Variants in LIMA1 observed in about 807,000 individuals in gnomAD.
The protein encoded by LIMA1 is LIM domain and actin binding 1, also known as LIM domain and actin-binding protein 1.
In LIMA1, 52 loss-of-function variants were observed where a neutral mutation model predicts 62.6. The ratio of observed to expected loss-of-function variants is 0.83; its 90% confidence interval spans 0.67 to 1.05. LIMA1 has a LOEUF of 1.05. Among genes scored for constraint, LIMA1 ranks in the 50% least tolerant of loss-of-function variants. LIMA1 has a pLI of 0.00. For synonymous variants in LIMA1, 302 were observed against 317.8 expected (o/e 0.95, Z 0.53); for missense variants, 780 against 902.2 (o/e 0.86, Z 1.74).
intron 10 of LIMA1, among the ~76,000 whole-genome samples, chr12:50,180,301 G>A (rs1347063139): frequency 2.1e-5 from 3 of 141,632 alleles, no homozygotes; most frequent in East Asian, 2.1e-4. Context: ...CTCCATCTCC[G>A]GAAAAAAAAA....
chr12:50,273,224 G>C (rs1287534338), intron 1 of LIMA1, among the ~76,000 whole-genome samples: 3 of 151,922 alleles, frequency 2.0e-5, no homozygotes, highest in Admixed American at 2.0e-4. Flanking sequence ...TAAAGTGCTG[G>C]GATTACAGGC....
chr12:50,230,241 G>T (rs571155441), intron 3 of LIMA1, among the ~76,000 whole-genome samples: 3 of 152,262 alleles, frequency 2.0e-5, no homozygotes, highest in East Asian at 3.9e-4. Context: ...CACCATCTTG[G>T]CCAGGTTGGT....
In LIMA1 at chr12:50,241,493, T is replaced by C. The variant is rs1024995253; in HGVS notation, c.119+7140A>G. ...AATAGAAACATAGATTAAAAAAAAA[T>C]CAAAATAGTTCCCATCTTTAGCCTT... On this transcript the variant is annotated intron_variant, in intron 2 of 10. Transcript: ENST00000341247. Among the ~76,000 whole-genome samples, 15 of 152,194 alleles carry C rather than the reference T, an allele frequency of 9.9e-5. No homozygotes were observed. The East Asian group carries it at 2.9e-3, about 29-fold the overall frequency.
chr12:50,210,353 G>A (rs1355979205), intron 4 of LIMA1, among the ~76,000 whole-genome samples: 1 of 150,430 alleles, frequency 6.6e-6, no homozygotes, highest in Non-Finnish European at 1.5e-5. Context: ...AACCAGGGAG[G>A]TGGAGGTTGC....
chr12:50,223,352 G>A (rs913530734), intron 3 of LIMA1, among the ~76,000 whole-genome samples: 14 of 151,964 alleles, frequency 9.2e-5, no homozygotes, highest in African/African-American at 3.1e-4. Context: ...GTGCAGTGGT[G>A]CACACCCATA....
chr12:50,217,540 GA>G (rs1472738385), intron 4 of LIMA1: 3 of 151,376 alleles, frequency 2.0e-5, no homozygotes, highest in Non-Finnish European at 4.4e-5. Flanking sequence ...TTTTTCTCCA[GA>G]GGCTAGTTTT....
At chr12:50,213,607 A>C (rs1345670751) in intron 4 of LIMA1, among the ~76,000 whole-genome samples, 1 of 152,220 alleles carries the variant, frequency 6.6e-6, no homozygotes, top group South Asian at 2.1e-4. Flanking sequence ...TTTCTCACTC[A>C]TTGTAACTCA....
intron 3 of LIMA1, among the ~76,000 whole-genome samples, chr12:50,230,893 G>A (rs1157776161): frequency 6.6e-6 from 1 of 152,130 alleles, no homozygotes; most frequent in Non-Finnish European, 1.5e-5. Flanking sequence ...TTCTTATAAT[G>A]CACCAGAGGA....
intron 4 of LIMA1, among the ~76,000 whole-genome samples, chr12:50,214,246 A>T (rs996401023): frequency 4.7e-5 from 6 of 128,796 alleles, no homozygotes; most frequent in African/African-American, 1.9e-4. Context: ...TTTTACCAAG[A>T]TATGTAAGAA....
At chr12:50,280,469 T>C (rs1030271568) in intron 1 of LIMA1, among the ~76,000 whole-genome samples, 1 of 152,150 alleles carries the variant, frequency 6.6e-6, no homozygotes, top group South Asian at 2.1e-4. Context: ...AGGGTAGTAG[T>C]ATTAAGAAAT....
At chr12:50,278,654 CAATT>C (rs1942302319) in intron 1 of LIMA1, among the ~76,000 whole-genome samples, 1 of 152,116 alleles carries the variant, frequency 6.6e-6, no homozygotes, top group Non-Finnish European at 1.5e-5. Flanking sequence ...AATTTGTTCT[CAATT>C]GTTTTCATTT....
intron 9 of LIMA1, among the ~76,000 whole-genome samples, chr12:50,183,831 A>AAAAC (rs1565827758): frequency 1.6e-4 from 24 of 150,642 alleles, no homozygotes; most frequent in Non-Finnish European, 2.4e-4. Context: ...AAAAAAAAAA[A>AAAAC]AAACCCAAAA....
intron 9 of LIMA1, among the ~76,000 whole-genome samples, chr12:50,192,189 C>A (rs1940791410): frequency 1.3e-5 from 2 of 150,826 alleles, no homozygotes; most frequent in South Asian, 4.2e-4. Flanking sequence ...AATAAAAAAA[C>A]CGACATTATT....
At chr12:50,186,984 T>A (rs554171674) in intron 9 of LIMA1, 1 of 152,330 alleles carries the variant, frequency 6.6e-6, no homozygotes, top group East Asian at 1.9e-4. Flanking sequence ...ACGACAGCAA[T>A]TTGAACAAAC....
chr12:50,208,140 G>C (rs1476766846), intron 4 of LIMA1, among the ~76,000 whole-genome samples: 1 of 152,000 alleles, frequency 6.6e-6, no homozygotes, highest in Non-Finnish European at 1.5e-5. Flanking sequence ...TTGAGCCCAG[G>C]AGTTTGAGAC....
At chr12:50,192,263 G>T (rs529371706) in intron 9 of LIMA1, among the ~76,000 whole-genome samples, 189 bp downstream of exon 9, 1 of 152,074 alleles carries the variant, frequency 6.6e-6, no homozygotes, top group Non-Finnish European at 1.5e-5. Flanking sequence ...TCTCGCTCCC[G>T]GGCCAAAGAC....
rs1940345263 is a variant in LIMA1 at position 50,176,770 on chromosome 12, G to C, written c.*294C>G. On this transcript the variant is annotated 3_prime_UTR_variant, in exon 11 of 11. Transcript: ENST00000341247. ...AATATTGCCTTTTGGGAATACAGTAGAATCTGGGCTATTATCAGGTGGAAT... is the reference window on the plus strand; with the variant it reads ...AATATTGCCTTTTGGGAATACAGTACAATCTGGGCTATTATCAGGTGGAAT... 1.1e-5 allele frequency: 3 copies of C among 283,862 alleles called. No individual in the cohort carries two copies. The Admixed American group carries it at 1.5e-4, about 14-fold the overall frequency. The allele number at this position is 283,862 out of a possible 1,614,324, so 17.6% of individuals were successfully genotyped here.
Position 50,177,970 on chromosome 12 carries a change from G to C in LIMA1, c.1374C>G (p.His458Gln). 1.2e-6 allele frequency: 2 copies of C among 1,612,430 alleles called. No homozygotes were observed. Among genetic ancestry groups the C allele is most frequent in the Non-Finnish European group, 1.7e-6 (2 of 1,179,512 alleles). Residue 458 changes from histidine to glutamine, a missense_variant, in exon 11 of 11, where the codon CAC becomes CAG. Transcript: ENST00000341247. ...TTGCCCATAGATCCTTGTGTGGTCTGTGCCCAAAGCCTTCATCATAGTTGC... is the reference window on the plus strand; with the variant it reads ...TTGCCCATAGATCCTTGTGTGGTCTCTGCCCAAAGCCTTCATCATAGTTGC... Reference protein sequence around the residue: ...SKGNYDEGFGHRPHKDLWASK... With the variant: ...SKGNYDEGFGQRPHKDLWASK...
Position 50,181,973 on chromosome 12 carries a change from C to T in LIMA1, c.1205G>A (p.Arg402His), listed in dbSNP as rs200141288. 1.3e-4 allele frequency: 208 copies of T among 1,613,480 alleles called. 1 individual carries two copies. The highest frequency in any genetic ancestry group is 5.3e-4 in the Middle Eastern group (3 of 5,638). Residue 402 changes from arginine to histidine, a missense_variant, in exon 10 of 11, where the codon CGT becomes CAT. Coordinates refer to ENST00000341247, the MANE Select transcript of LIMA1 (RefSeq NM_016357.5). The stretch of plus-strand genomic sequence containing the variant: ...AAACACCTGCTGGTTGGCCAAGAGA[C>T]GCTCCATTGGATAGACTGTCTTCTG... ...ECQKTVYPME[R>H]LLANQQVFHI... is the part of the protein sequence containing the mutation.
Sources: allele counts gnomAD v4.1 joint callset (sites outside exome capture counted in the v4.1 genomes callset), GRCh38; gene constraint gnomAD v4.1.1; transcripts MANE v1.5; gene names NCBI Gene and HGNC (gene_info 2026-07-23, HGNC 2026-07-21).